The following STPG2 variants were observed in gnomAD, a reference collection of about 807,000 sequenced individuals.
STPG2 encodes the protein sperm-tail PG-rich repeat-containing protein 2.
In STPG2, 56 loss-of-function variants were observed where a neutral mutation model predicts 54.2. The ratio of observed to expected loss-of-function variants is 1.03; its 90% CI spans 0.83 to 1.29. The LOEUF is 1.29. STPG2 is among the 50% of genes most tolerant of loss of function. The probability of loss-of-function intolerance (pLI) is 0.00; values close to 1 mark genes in which losing one functional copy is unlikely to be tolerated. For missense variants in STPG2, 596 were observed against 544.9 expected (o/e 1.09, Z -0.93); for synonymous variants, 200 against 181.8 (o/e 1.10, Z -0.81).
intron 5 of STPG2, among the ~76,000 whole-genome samples, chr4:98,053,450 G>T (rs1737387039): frequency 6.6e-6 from 1 of 151,910 alleles, no homozygotes; most frequent in African/African-American, 2.4e-5. Flanking sequence ...GACACTTCCA[G>T]CAGAGACAAA....
intron 4 of STPG2, among the ~76,000 whole-genome samples, chr4:97,531,115 T>C (rs1040069562): frequency 3.3e-5 from 5 of 152,180 alleles, no homozygotes; most frequent in African/African-American, 1.2e-4. Context: ...TTCAACAGCA[T>C]TGAAATTATC....
intron 7 of STPG2, among the ~76,000 whole-genome samples, 188 bp downstream of exon 7, chr4:97,972,089 GTGT>G (rs1021932915): frequency 2.6e-5 from 4 of 151,914 alleles, no homozygotes; most frequent in Non-Finnish European, 5.9e-5. Context: ...AATTCAATTT[GTGT>G]TTTTTATTTC....
rs188376154 is a variant in STPG2 at position 97,849,863 on chromosome 4, C to T, written c.1045-8931G>A. Among the ~76,000 whole-genome samples the T allele has an allele frequency of 8.7e-4, 132 of 152,154 alleles. No homozygotes were observed. The East Asian group carries it at 0.022, about 26-fold the overall frequency. ...TGAACCATTGTGGAAGTCAGTGTGG[C>T]GACTCCTCAGGGATCTAGAACTAGA... On this transcript the variant is annotated intron_variant, in intron 8 of 10. Transcript: ENST00000295268.
At chr4:98,060,144 A>T (rs960635037) in intron 5 of STPG2, among the ~76,000 whole-genome samples, 6 of 152,234 alleles carry the variant, frequency 3.9e-5, no homozygotes, top group Non-Finnish European at 7.3e-5. Flanking sequence ...TTGTTTGCAG[A>T]TGACATAATT....
At chr4:97,766,090 G>A (rs1448291867) in intron 9 of STPG2, among the ~76,000 whole-genome samples, 1 of 152,024 alleles carries the variant, frequency 6.6e-6, no homozygotes, top group African/African-American at 2.4e-5. Flanking sequence ...GTCAGGGATG[G>A]TTTAAGAGGA....
chr4:97,862,140 G>C (rs1004183381), intron 8 of STPG2, among the ~76,000 whole-genome samples: 2 of 151,896 alleles, frequency 1.3e-5, no homozygotes. Context: ...ATTGGATAAA[G>C]AGTCAAGACC....
chr4:97,891,208 A>C (rs1449838306), intron 8 of STPG2, among the ~76,000 whole-genome samples: 1 of 152,104 alleles, frequency 6.6e-6, no homozygotes. Context: ...ATGTCAAAAA[A>C]GTTATTACTT....
intron 3 of STPG2, among the ~76,000 whole-genome samples, chr4:98,125,813 C>G (rs1739813783): frequency 6.6e-6 from 1 of 152,200 alleles, no homozygotes; most frequent in African/African-American, 2.4e-5. Flanking sequence ...GCCCCTCCCG[C>G]CAGGGGCTCT....
chr4:97,904,771 T>C (rs1002529550), intron 8 of STPG2, among the ~76,000 whole-genome samples: 6 of 152,190 alleles, frequency 3.9e-5, no homozygotes, highest in African/African-American at 1.4e-4. Context: ...AAGGAGCTGA[T>C]GGAGCTGAAA....
intron 3 of STPG2, among the ~76,000 whole-genome samples, chr4:98,111,670 G>A (rs1215321426): frequency 6.7e-6 from 1 of 149,876 alleles, no homozygotes; most frequent in East Asian, 1.9e-4. Flanking sequence ...ATTTGACTGA[G>A]TTAAGGAATA....
intron 8 of STPG2, among the ~76,000 whole-genome samples, chr4:97,884,082 C>T (rs1730474387): frequency 6.6e-6 from 1 of 151,942 alleles, no homozygotes; most frequent in Admixed American, 6.6e-5. Context: ...TGAATCAGTC[C>T]AGGCCCAATA....
chr4:98,124,785 C>T (rs944488953), intron 3 of STPG2, among the ~76,000 whole-genome samples: 1 of 152,146 alleles, frequency 6.6e-6, no homozygotes, highest in Non-Finnish European at 1.5e-5. Flanking sequence ...AACTTGGTTC[C>T]ATTCTCCCCA....
chr4:97,540,554 G>A (rs1436590965), intron 4 of STPG2, among the ~76,000 whole-genome samples: 2 of 152,138 alleles, frequency 1.3e-5, no homozygotes, highest in Non-Finnish European at 2.9e-5. Context: ...TTACAAGGAG[G>A]AGCTGGTACC....
chr4:97,467,379 C>T (rs1729812394), intron 4 of STPG2, among the ~76,000 whole-genome samples: 1 of 151,544 alleles, frequency 6.6e-6, no homozygotes, highest in South Asian at 2.1e-4. Context: ...ACTCTTCTTC[C>T]TTTATTCATA....
chr4:97,954,555 G>C (rs1461298591), intron 7 of STPG2, among the ~76,000 whole-genome samples: 1 of 152,164 alleles, frequency 6.6e-6, no homozygotes. Flanking sequence ...GCATCAAAGA[G>C]TAAAGTTAAG....
In STPG2 at chr4:98,094,099, C is replaced by T. The variant is rs558638197; in HGVS notation, c.612+11854G>A. Among the ~76,000 whole-genome samples, 4 of 152,192 alleles carry T rather than the reference C, an allele frequency of 2.6e-5. No individual in the cohort carries two copies. The South Asian group carries it at 8.3e-4, about 32-fold the overall frequency. The stretch of plus-strand genomic sequence containing the variant: ...GGTGCAGCTAAAGGAGAGCTTGTGC[C>T]GTGCCTCCCACAATCCCAGGCAGTG... On this transcript the variant is annotated intron_variant, in intron 5 of 10. Coordinates refer to ENST00000295268, the MANE Select transcript of STPG2 (RefSeq NM_174952.3).
At chr4:97,626,683 TTTC>T (rs1231699537) in intron 10 of STPG2, among the ~76,000 whole-genome samples, 1 of 152,092 alleles carries the variant, frequency 6.6e-6, no homozygotes, top group Non-Finnish European at 1.5e-5. Context: ...TCTTCCTCCT[TTTC>T]TTCTTTTGCT....
intron 10 of STPG2, among the ~76,000 whole-genome samples, chr4:97,688,570 T>C (rs896950019): frequency 1.3e-5 from 2 of 152,164 alleles, no homozygotes; most frequent in Admixed American, 6.5e-5. Flanking sequence ...GGTTTCACCA[T>C]GTTAGCCAGG....
chr4:98,047,676 A>C (rs755456899), intron 5 of STPG2, among the ~76,000 whole-genome samples: 8 of 152,162 alleles, frequency 5.3e-5, no homozygotes, highest in Non-Finnish European at 1.2e-4. Flanking sequence ...CAATACGTGA[A>C]CAAACTCCTT....
Sources: allele counts gnomAD v4.1 joint callset (sites outside exome capture counted in the v4.1 genomes callset), GRCh38; gene constraint gnomAD v4.1.1; transcripts MANE v1.5; gene names NCBI Gene and HGNC (gene_info 2026-07-23, HGNC 2026-07-21).